ARID1A: variants seen among roughly 807,000 people sequenced by gnomAD.
ARID1A encodes the protein AT-rich interaction domain 1A.
In ARID1A, 20 loss-of-function variants were observed where a neutral mutation model predicts 212.6. The ratio of observed to expected loss-of-function variants is 0.09; its 90% CI spans 0.07 to 0.14. The LOEUF is 0.14. Ranked by LOEUF, ARID1A falls within the 10% of genes least tolerant of loss-of-function variation. ARID1A has a pLI of 1.00. For synonymous variants in ARID1A, 1,376 were observed against 1,222.1 expected (o/e 1.13, Z -2.63); for missense variants, 2,587 against 3,059.0 (o/e 0.85, Z 3.64).
At chr1:26,772,372 A>G in intron 12 of ARID1A, 128 bp from the exon 13 acceptor site, 1 of 1,352,944 alleles carries the variant, frequency 7.4e-7, no homozygotes, top group Non-Finnish European at 1.0e-6. Flanking sequence ...TCTGCTAAGA[A>G]GGGTGATCAG....
intron 4 of ARID1A, among the ~76,000 whole-genome samples, chr1:26,755,632 G>A (rs2080921919): frequency 6.6e-6 from 1 of 152,188 alleles, no homozygotes; most frequent in South Asian, 2.1e-4. Flanking sequence ...TGGACCAGGG[G>A]CATTCTCCTT....
intron 1 of ARID1A, among the ~76,000 whole-genome samples, chr1:26,713,591 C>T (rs892739907): frequency 3.3e-5 from 5 of 152,108 alleles, no homozygotes; most frequent in African/African-American, 1.2e-4. Flanking sequence ...AACTCCTGAC[C>T]TCAAGTAATC....
intron 1 of ARID1A, among the ~76,000 whole-genome samples, chr1:26,720,846 G>T (rs1038326635): frequency 1.6e-4 from 24 of 151,580 alleles, no homozygotes; most frequent in African/African-American, 5.3e-4. Context: ...TCCAGCCGGG[G>T]TGACAGATTG....
At chr1:26,742,638 GAGACC>G (rs751031573) in intron 4 of ARID1A, among the ~76,000 whole-genome samples, 12 of 152,124 alleles carry the variant, frequency 7.9e-5, no homozygotes, top group Non-Finnish European at 1.6e-4. Context: ...TAGAAGCACA[GAGACC>G]CTGAGAGCTG....
chr1:26,773,633 C>A lies in ARID1A; in HGVS notation c.3920C>A (p.Pro1307Gln). ...AACATGAGCACTGGGGCCCCACAGC[C>A]GAATCTCATGCCTTCCAACCCAGAC... is the stretch of plus-strand genomic sequence containing the variant. ...EGNMSTGAPQ[P>Q]NLMPSNPDSG... Residue 1307 changes from proline (P) to glutamine (Q), a missense_variant, in exon 16 of 20, where the codon CCG (proline) becomes CAG (glutamine). Coordinates refer to ENST00000324856, the MANE Select transcript of ARID1A (RefSeq NM_006015.6). 1.2e-6 allele frequency: 2 copies of A among 1,614,170 alleles called. No homozygotes were observed. The highest frequency in any genetic ancestry group is 4.5e-5 in the East Asian group (2 of 44,884).
rs1438214602 is a variant in ARID1A at position 26,780,055 on chromosome 1, T to C, written c.6157T>C (p.Leu2053=). 2.5e-6 allele frequency: 4 copies of C among 1,614,062 alleles called. No individual in the cohort carries two copies. The highest frequency in any genetic ancestry group is 3.4e-6 in the Non-Finnish European group (4 of 1,179,996). ...CNKVEWWWDC[L]EMLRENTLVT... ...CAAAGTGGAGTGGTGGTGGGACTGC[T>C]TGGAGATGCTCCGGGAAAACACCTT... The change falls in exon 20 of 20, where the codon TTG becomes CTG. Residue 2053 remains leucine, a synonymous_variant. Coordinates refer to ENST00000324856, the MANE Select transcript of ARID1A (RefSeq NM_006015.6). This position sits in a 1 kb window ranked among gnomAD's most constrained non-coding sequence, Gnocchi z 7.2.
At chr1:26,734,635 C>T (rs1003031820) in intron 4 of ARID1A, among the ~76,000 whole-genome samples, 4 of 152,082 alleles carry the variant, frequency 2.6e-5, no homozygotes, top group African/African-American at 7.2e-5. Flanking sequence ...TTTTGAATTG[C>T]TTTTTATCCC....
intron 4 of ARID1A, among the ~76,000 whole-genome samples, chr1:26,740,009 A>G (rs2080773295): frequency 1.3e-5 from 2 of 152,218 alleles, no homozygotes; most frequent in African/African-American, 2.4e-5. Flanking sequence ...AAAAAAGAAA[A>G]AAAAAACCTG....
intron 4 of ARID1A, among the ~76,000 whole-genome samples, chr1:26,759,930 C>T (rs1329816564): frequency 6.6e-6 from 1 of 152,172 alleles, no homozygotes; most frequent in Admixed American, 6.5e-5. Context: ...TTCTTACCTC[C>T]TACCCCTTAT....
At chr1:26,707,564 AACTCCTGACCT>A (rs1464224411) in intron 1 of ARID1A, among the ~76,000 whole-genome samples, 5 of 151,760 alleles carry the variant, frequency 3.3e-5, no homozygotes, top group Admixed American at 6.6e-5. Context: ...GCTAGTCTCG[AACTCCTGACCT>A]CAGGTGATCC....
chr1:26,770,862 G>A lies in ARID1A; in HGVS notation c.3199-257G>A, dbSNP rs975412884. ...AAACCGGACTCTGAATTCTGTTCCA[G>A]TAGTAATGTGAAATTTGCCCTGTTG... On this transcript the variant is annotated intron_variant, in intron 11 of 19. Coordinates refer to ENST00000324856, the MANE Select transcript of ARID1A (RefSeq NM_006015.6). 5 of 487,496 alleles carry A rather than the reference G, an allele frequency of 1.0e-5. No homozygotes were observed. The Admixed American group carries it at 1.5e-4, about 15-fold the overall frequency. The allele number at this position is 487,496 out of a possible 1,614,324, so 30.2% of individuals were successfully genotyped here.
intron 1 of ARID1A, among the ~76,000 whole-genome samples, chr1:26,712,138 G>A (rs2080460637): frequency 6.6e-6 from 1 of 152,114 alleles, no homozygotes; most frequent in Admixed American, 6.5e-5. Context: ...GGCCAATACA[G>A]TACACTTTTC....
At chr1:26,740,070 T>G (rs2080773765) in intron 4 of ARID1A, among the ~76,000 whole-genome samples, 2 of 152,130 alleles carry the variant, frequency 1.3e-5, no homozygotes, top group Admixed American at 1.3e-4. Context: ...TCTGTAGATT[T>G]AAGTCCAAGT....
At chr1:26,756,917 T>G (rs549501795) in intron 4 of ARID1A, among the ~76,000 whole-genome samples, 1 of 151,988 alleles carries the variant, frequency 6.6e-6, no homozygotes, top group Non-Finnish European at 1.5e-5. Context: ...TTAGCCAGTA[T>G]GGTCTCGATT....
chr1:26,719,162 ATT>A (rs1240692773), intron 1 of ARID1A, among the ~76,000 whole-genome samples: 3 of 152,176 alleles, frequency 2.0e-5, no homozygotes, highest in African/African-American at 7.2e-5. Context: ...ATAGGGGAGC[ATT>A]TGTTTGTTTT....
chr1:26,724,635 G>A (rs1252007006), intron 1 of ARID1A, among the ~76,000 whole-genome samples: 1 of 152,152 alleles, frequency 6.6e-6, no homozygotes, highest in South Asian at 2.1e-4. Flanking sequence ...TTCAGCCCAG[G>A]TCTACCTTAA....
At chr1:26,732,487 C>G (rs559838338) in intron 3 of ARID1A, among the ~76,000 whole-genome samples, 189 bp from the exon 4 acceptor site, 2 of 152,314 alleles carry the variant, frequency 1.3e-5, no homozygotes, top group Admixed American at 1.3e-4. Flanking sequence ...ACAATTCTGT[C>G]AGAAAGAGTC....
intron 1 of ARID1A, among the ~76,000 whole-genome samples, chr1:26,700,083 G>GGT (rs1324691769): frequency 6.6e-6 from 1 of 152,186 alleles, no homozygotes; most frequent in African/African-American, 2.4e-5. Flanking sequence ...GGAATGGGCT[G>GGT]GTGAGCATTC....
intron 1 of ARID1A, among the ~76,000 whole-genome samples, chr1:26,701,666 C>T (rs1475789189): frequency 1.3e-5 from 2 of 152,182 alleles, no homozygotes; most frequent in Non-Finnish European, 2.9e-5. Flanking sequence ...CCATAGCTGG[C>T]TTGTTATGAA....
Sources: gnomAD v4.1 joint callset for allele counts (sites outside exome capture counted in the v4.1 genomes callset) on GRCh38, gnomAD v4.1.1 for gene constraint, Gnocchi (gnomAD v3.1) non-coding constraint, MANE v1.5 for transcripts, NCBI Gene and HGNC (gene_info 2026-07-23, HGNC 2026-07-21) for gene names.